Variants in ATP2B2 observed in about 807,000 individuals in gnomAD.
The protein encoded by ATP2B2 is ATPase plasma membrane Ca2+ transporting 2, also known as plasma membrane calcium-transporting ATPase 2.
In ATP2B2, 15 loss-of-function variants were observed where a neutral mutation model predicts 120.0. That is an observed-to-expected ratio of 0.12 (90% confidence interval 0.08 to 0.19). The LOEUF (loss-of-function observed/expected upper bound fraction) is 0.19. ATP2B2 is among the 10% of genes least tolerant of loss of function. The probability of loss-of-function intolerance (pLI) is 1.00; values close to 1 mark genes in which losing one functional copy is unlikely to be tolerated. For synonymous variants in ATP2B2, 694 were observed against 700.3 expected (o/e 0.99, Z 0.14); for missense variants, 1,045 against 1,719.8 (o/e 0.61, Z 6.94).
At chr3:10,698,829 C>G (rs2071777544) in intron 1 of ATP2B2, among the ~76,000 whole-genome samples, 1 of 152,218 alleles carries the variant, frequency 6.6e-6, no homozygotes, top group Admixed American at 6.5e-5. Context: ...CGCTTTGCTC[C>G]TCTGTAAAAT....
At chr3:10,405,402 C>T (rs1025471168) in intron 3 of ATP2B2, among the ~76,000 whole-genome samples, 1 of 152,196 alleles carries the variant, frequency 6.6e-6, no homozygotes, top group Non-Finnish European at 1.5e-5. Flanking sequence ...ACTGTCTGCT[C>T]GTCACGCGGT....
rs1213985192 is a variant in ATP2B2 at position 10,350,449 on chromosome 3, C to G, written c.2265G>C (p.Leu755=). Residue 755 remains leucine (L), a synonymous_variant, in exon 15 of 23, where the codon CTG becomes CTC. Coordinates refer to ENST00000360273, the MANE Select transcript of ATP2B2 (RefSeq NM_001001331.4). ...TGTTGAACTCCTTGCCCTCGAGGCA[C>G]AGAAAGTCCTCCCCAGGATGGATGA... The part of the protein sequence containing the change: ...CGIIHPGEDF[L]CLEGKEFNRR... The G allele has an allele frequency of 5.0e-6, 8 of 1,614,136 alleles. No homozygotes were observed. The highest frequency in any genetic ancestry group is 6.8e-6 in the Non-Finnish European group (8 of 1,180,052).
Position 10,665,553 on chromosome 3 carries a change from C to T in ATP2B2, c.-460+42362G>A, listed in dbSNP as rs555988244. Among the ~76,000 whole-genome samples the T allele has an allele frequency of 2.6e-5, 4 of 152,142 alleles. 1 individual carries two copies. The South Asian group carries it at 8.3e-4, about 32-fold the overall frequency. On this transcript the variant is annotated intron_variant, in intron 1 of 21. Coordinates refer to the ATP2B2 transcript ENST00000646379. The stretch of plus-strand genomic sequence containing the variant: ...CCCTTATCTGGTTTTGCCCGTTGTA[C>T]CCCCAGCACATTCACAGTGCCTGGC...
intron 3 of ATP2B2, among the ~76,000 whole-genome samples, chr3:10,531,014 C>T (rs1194296292): frequency 6.6e-6 from 1 of 152,234 alleles, no homozygotes; most frequent in African/African-American, 2.4e-5. Flanking sequence ...TGGTTTTCCT[C>T]TCTGGATGTT....
At chr3:10,614,456 A>G (rs143082968) in intron 2 of ATP2B2, among the ~76,000 whole-genome samples, 2 of 152,306 alleles carry the variant, frequency 1.3e-5, no homozygotes, top group African/African-American at 4.8e-5. Context: ...GTGCTTTGTT[A>G]GTAGGTAACA....
chr3:10,569,152 TA>T (rs2068071158), intron 2 of ATP2B2, among the ~76,000 whole-genome samples: 1 of 152,154 alleles, frequency 6.6e-6, no homozygotes, highest in South Asian at 2.1e-4. Context: ...GTCAAGTCCT[TA>T]TGTGGCCCCA....
rs369835171 is a variant in ATP2B2 at position 10,449,664 on chromosome 3, G to A, written c.-121C>T. On this transcript the variant is annotated 5_prime_UTR_variant, in exon 2 of 23. Transcript: ENST00000360273. ...TCACTGGTCAGCTGTGGCACCAGGCGGCCGACTCCGGGTCCCGGGGGGTGG... is the reference window on the plus strand; with the variant it reads ...TCACTGGTCAGCTGTGGCACCAGGCAGCCGACTCCGGGTCCCGGGGGGTGG... The A allele has an allele frequency of 7.5e-5, 95 of 1,259,184 alleles. No homozygotes were observed. The highest frequency in any genetic ancestry group is 5.6e-4 in the African/African-American group (38 of 67,506). 78.0% of individuals were successfully genotyped at this position (1,259,184 alleles called of 1,614,324 possible).
At chr3:10,530,575 C>A (rs1328261402) in intron 3 of ATP2B2, among the ~76,000 whole-genome samples, 1 of 152,220 alleles carries the variant, frequency 6.6e-6, no homozygotes, top group African/African-American at 2.4e-5. Context: ...GGCAGTCTGG[C>A]CACAGACAGG....
intron 1 of ATP2B2, among the ~76,000 whole-genome samples, chr3:10,671,803 T>G (rs2071104242): frequency 6.6e-6 from 1 of 152,140 alleles, no homozygotes. Context: ...GTGATGAACA[T>G]TTTTGTCTGC....
At position 10,346,383 on chromosome 3, in the gene ATP2B2, C is replaced by T. The variant is rs2060433067; in HGVS notation, c.2405-246G>A. On this transcript the variant is annotated intron_variant, in intron 16 of 22. Coordinates refer to ENST00000360273, the MANE Select transcript of ATP2B2 (RefSeq NM_001001331.4). The surrounding 1 kb of genome is among the most constrained non-coding windows in gnomAD (Gnocchi z 4.1). ...GTGGCCCGGGCCCTGCTCACCTCTC[C>T]AGCCCCCTCTTTGCTGTCTGCAACC... Among the ~76,000 whole-genome samples the T allele has an allele frequency of 6.6e-6, 1 of 152,252 alleles. No homozygotes were observed. Among genetic ancestry groups the T allele is most frequent in the South Asian group, 2.1e-4 (1 of 4,838 alleles).
intron 8 of ATP2B2, among the ~76,000 whole-genome samples, chr3:10,382,066 C>T (rs1249793940): frequency 6.6e-6 from 1 of 152,172 alleles, no homozygotes; most frequent in Non-Finnish European, 1.5e-5. Flanking sequence ...ATTATTGTTG[C>T]CCAGGCTGGA....
chr3:10,668,001 G>T (rs2070990153), intron 1 of ATP2B2, among the ~76,000 whole-genome samples: 1 of 152,162 alleles, frequency 6.6e-6, no homozygotes, highest in South Asian at 2.1e-4. Context: ...ATAGTGCAGG[G>T]GTGGGCAGGG....
At chr3:10,382,034 G>C (rs2061544730) in intron 8 of ATP2B2, among the ~76,000 whole-genome samples, 1 of 152,020 alleles carries the variant, frequency 6.6e-6, no homozygotes, top group Admixed American at 6.6e-5. Flanking sequence ...TAAACGTTGG[G>C]AGTTAGTAGT....
chr3:10,375,650 A>G lies in ATP2B2; in HGVS notation c.1202-6T>C. The G allele has an allele frequency of 6.2e-7, 1 of 1,612,348 alleles. No individual in the cohort carries two copies. The highest frequency in any genetic ancestry group is 8.5e-7 in the Non-Finnish European group (1 of 1,178,862). ...GATGGCTGACATCACCAAGCCTGCA[A>G]TGTGAGGGACACATGCTTGGGGGGT... On this transcript the variant is annotated splice_polypyrimidine_tract_variant and splice_region_variant and intron_variant, in intron 10 of 22. Coordinates refer to ENST00000360273, the MANE Select transcript of ATP2B2 (RefSeq NM_001001331.4). The surrounding 1 kb of genome is among the most constrained non-coding windows in gnomAD (Gnocchi z 4.2).
chr3:10,531,501 G>A (rs960124427), intron 3 of ATP2B2, among the ~76,000 whole-genome samples: 1 of 152,200 alleles, frequency 6.6e-6, no homozygotes, highest in Admixed American at 6.5e-5. Flanking sequence ...GTCTTATGGG[G>A]CTGTTGTGAG....
intron 1 of ATP2B2, among the ~76,000 whole-genome samples, chr3:10,478,168 A>G (rs1276734823): frequency 6.6e-6 from 1 of 152,160 alleles, no homozygotes; most frequent in Non-Finnish European, 1.5e-5. Context: ...CCATTTGTGT[A>G]TCTTCTTTTC....
At chr3:10,663,729 A>G (rs1022649196) in intron 1 of ATP2B2, among the ~76,000 whole-genome samples, 2 of 152,124 alleles carry the variant, frequency 1.3e-5, no homozygotes, top group African/African-American at 4.8e-5. Context: ...AGGGGGTCCA[A>G]GCTGAGCCCA....
chr3:10,656,128 G>T (rs1378945872), intron 1 of ATP2B2, among the ~76,000 whole-genome samples: 1 of 152,190 alleles, frequency 6.6e-6, no homozygotes, highest in Non-Finnish European at 1.5e-5. Flanking sequence ...ATGGCTGGGA[G>T]TTTGGAGGAG....
intron 7 of ATP2B2, among the ~76,000 whole-genome samples, chr3:10,386,005 T>C (rs2061666457): frequency 6.6e-6 from 1 of 152,244 alleles, no homozygotes; most frequent in South Asian, 2.1e-4. Context: ...AATTTAGAAA[T>C]TAAAAGTGAT....
Sources: gnomAD v4.1 joint callset for allele counts (sites outside exome capture counted in the v4.1 genomes callset) on GRCh38, gnomAD v4.1.1 for gene constraint, Gnocchi (gnomAD v3.1) non-coding constraint, MANE v1.5 for transcripts, NCBI Gene and HGNC (gene_info 2026-07-23, HGNC 2026-07-21) for gene names.